BCAP29: variants seen among roughly 807,000 people sequenced by gnomAD.
BCAP29 encodes the protein B-cell receptor-associated protein 29.
A neutral mutation model predicts 31.8 loss-of-function variants in BCAP29; 34 were observed. The observed-to-expected ratio is 1.07, with a 90% CI of 0.81 to 1.42. BCAP29 has a LOEUF of 1.42. BCAP29 is among the 40% of genes most tolerant of loss of function. The probability of loss-of-function intolerance (pLI) is 0.00; values close to 1 mark genes in which losing one functional copy is unlikely to be tolerated. For synonymous variants in BCAP29, 104 were observed against 91.3 expected, an observed-to-expected ratio of 1.14 and a Z score of -0.79; for missense variants, 314 against 269.2, an observed-to-expected ratio of 1.17 and a Z score of -1.16.
At chr7:107,608,066 G>T (rs1433325907) in intron 6 of BCAP29, among the ~76,000 whole-genome samples, 1 of 151,972 alleles carries the variant, frequency 6.6e-6, no homozygotes, top group African/African-American at 2.4e-5. Context: ...TGATCACCTG[G>T]CTAAAATAGT....
At chr7:107,600,131 T>C (rs189751090) in intron 5 of BCAP29, 31 of 428,042 alleles carry the variant, frequency 7.2e-5, no homozygotes, top group African/African-American at 6.0e-4. Flanking sequence ...TAAATACTTT[T>C]GAGAATATTA....
chr7:107,612,420 T>TATATATATATAC, intron 6 of BCAP29, among the ~76,000 whole-genome samples: 1 of 44,294 alleles, frequency 2.3e-5, no homozygotes, highest in Admixed American at 3.1e-4. Context: ...TATATATATA[T>TATATATATATAC]ATATATATAT....
chr7:107,602,863 T>C (rs778267659), intron 6 of BCAP29, among the ~76,000 whole-genome samples: 8 of 152,150 alleles, frequency 5.3e-5, no homozygotes, highest in Middle Eastern at 6.8e-3. Flanking sequence ...AGCACAGACA[T>C]TGCATTTAGT....
chr7:107,612,391 TTATATATATATATATA>T (rs36213596), intron 6 of BCAP29, among the ~76,000 whole-genome samples: 962 of 30,852 alleles, frequency 0.031, 33 homozygotes, highest in South Asian at 0.089. Context: ...ATGTATTGTT[TTATATATATATATATA>T]TATATATATA....
chr7:107,602,717 A>G (rs1038642105), intron 6 of BCAP29, among the ~76,000 whole-genome samples: 1 of 152,142 alleles, frequency 6.6e-6, no homozygotes, highest in Non-Finnish European at 1.5e-5. Flanking sequence ...CCAAATTTAA[A>G]AAGTGGCATT....
chr7:107,600,372 C>T lies in BCAP29; in HGVS notation c.481-25C>T, dbSNP rs759659086. 7 of 1,402,898 alleles carry T rather than the reference C, an allele frequency of 5.0e-6. No individual in the cohort carries two copies. The South Asian group carries it at 8.2e-5, about 16-fold the overall frequency. The allele number at this position is 1,402,898 out of a possible 1,614,324, so 86.9% of individuals were successfully genotyped here. On this transcript the variant is annotated intron_variant, in intron 5 of 7. Transcript: ENST00000005259. ...TGGCTATTGCAATCTAAGCTTATTT[C>T]TTCCTGTATCTCCTTTTGCAATAGA...
chr7:107,606,512 T>A (rs1479979619), intron 6 of BCAP29, among the ~76,000 whole-genome samples: 2 of 152,198 alleles, frequency 1.3e-5, no homozygotes, highest in African/African-American at 4.8e-5. Context: ...AATCTTAGGA[T>A]CTTTAGGACA....
chr7:107,594,463 C>CGGGCACA (rs1563130598), intron 4 of BCAP29, among the ~76,000 whole-genome samples: 2 of 151,648 alleles, frequency 1.3e-5, no homozygotes, highest in Admixed American at 6.6e-5. Flanking sequence ...ACGGAGATTA[C>CGGGCACA]AGTCACTGTA....
intron 6 of BCAP29, among the ~76,000 whole-genome samples, chr7:107,612,233 T>C (rs769074570): frequency 6.6e-6 from 1 of 151,698 alleles, no homozygotes; most frequent in South Asian, 2.1e-4. Context: ...ACATATGATA[T>C]AGAGCTACTT....
upstream of BCAP29, chr7:107,580,225 C>G (rs980735476): frequency 2.6e-5 from 4 of 151,982 alleles, no homozygotes; most frequent in African/African-American, 9.7e-5. Context: ...TCCCCTCCCC[C>G]GCCCAGCCGC....
chr7:107,608,608 C>A (rs1291119952), intron 6 of BCAP29, among the ~76,000 whole-genome samples: 2 of 151,714 alleles, frequency 1.3e-5, no homozygotes, highest in African/African-American at 4.8e-5. Context: ...GGGCTGGATT[C>A]TTTGGTACTA....
At chr7:107,621,352 A>C (rs1814954166), downstream of BCAP29, 1 of 177,480 alleles carries the variant, frequency 5.6e-6, no homozygotes, top group Non-Finnish European at 1.2e-5. Context: ...TTCTTTGCTG[A>C]ACGGCATTTT....
chr7:107,622,813 T>A (rs1562805112), downstream of BCAP29: 1 of 152,218 alleles, frequency 6.6e-6, no homozygotes, highest in African/African-American at 2.4e-5. Flanking sequence ...AAGAATGATC[T>A]CTCACTCAGA....
intron 7 of BCAP29, 114 bp from the exon 8 acceptor site, chr7:107,618,210 CATTT>C (rs1174500467): frequency 2.4e-5 from 17 of 696,056 alleles, no homozygotes; most frequent in Middle Eastern, 4.7e-4. Context: ...CTTTTTTTCA[CATTT>C]AATTATTCTC....
chr7:107,621,181 A>AT (rs1311544911), downstream of BCAP29: 2 of 154,324 alleles, frequency 1.3e-5, no homozygotes, highest in Admixed American at 1.3e-4. Context: ...ACTATTGTGC[A>AT]TTTGAGTGCC....
chr7:107,617,866 A>AT (rs1814478570), intron 7 of BCAP29, among the ~76,000 whole-genome samples: 1 of 152,078 alleles, frequency 6.6e-6, no homozygotes, highest in Non-Finnish European at 1.5e-5. Context: ...TTTCTTTTCC[A>AT]TTTTCCTTCA....
rs772340456 is a variant in BCAP29, at chr7:107,580,843, T to C, written c.71T>C (p.Leu24Pro). 1.3e-6 allele frequency: 2 copies of C among 1,590,716 alleles called. No homozygotes were observed. Among genetic ancestry groups the C allele is most frequent in the South Asian group, 2.3e-5 (2 of 87,774 alleles). The change falls in exon 2 of 8, where the codon CTA becomes CCA. Residue 24 changes from leucine to proline, a missense_variant. Physicochemically the swap from Leu to Pro is moderately conservative, Grantham distance 98. Transcript: ENST00000005259. ...AEIGLILIFC[L>P]PFIPPQRWQK... ...ATAGGACTCATTTTAATCTTCTGCC[T>C]ACCTTTTATTCCTCCTCAGAGGTAG...
chr7:107,613,459 C>A, intron 7 of BCAP29, 27 bp downstream of exon 7: 1 of 1,519,082 alleles, frequency 6.6e-7, no homozygotes, highest in Non-Finnish European at 9.1e-7. Flanking sequence ...CTTTATGCAC[C>A]TAAATGTTTT....
chr7:107,611,367 G>A (rs888831396), intron 6 of BCAP29, among the ~76,000 whole-genome samples: 2 of 152,056 alleles, frequency 1.3e-5, no homozygotes, highest in Non-Finnish European at 1.5e-5. Flanking sequence ...AGGAGTTCAA[G>A]ACCTGCCTGG....
Sources: gnomAD v4.1 joint callset for allele counts (sites outside exome capture counted in the v4.1 genomes callset) on GRCh38, gnomAD v4.1.1 for gene constraint, MANE v1.5 for transcripts, NCBI Gene and HGNC (gene_info 2026-07-23, HGNC 2026-07-21) for gene names.